ATP8A2: variants seen among roughly 807,000 people sequenced by gnomAD.
ATP8A2 encodes the protein ATPase phospholipid transporting 8A2.
ATP8A2 carries 100 observed loss-of-function variants against 165.6 expected under a neutral mutation model. The observed-to-expected ratio is 0.60, with a 90% CI of 0.51 to 0.71. ATP8A2 has a LOEUF of 0.71. Among genes scored for constraint, ATP8A2 ranks in the 30% least tolerant of loss-of-function variants. ATP8A2 has a pLI of 0.00. For synonymous variants in ATP8A2, 543 were observed against 548.8 expected (o/e 0.99, Z 0.15); for missense variants, 1,227 against 1,479.5 (o/e 0.83, Z 2.80).
chr13:25,981,386 A>G (rs938327410), intron 35 of ATP8A2, among the ~76,000 whole-genome samples: 3 of 152,220 alleles, frequency 2.0e-5, no homozygotes, highest in Non-Finnish European at 4.4e-5. Context: ...TGGATCAGGT[A>G]ATGCACTTTG....
At chr13:25,664,999 GAA>G (rs34189670) in intron 24 of ATP8A2, among the ~76,000 whole-genome samples, 14,688 of 145,504 alleles carry the variant, frequency 0.1, 1,528 homozygotes, top group East Asian at 0.37. Flanking sequence ...ATCAGAGATT[GAA>G]AAAAAAAAAG....
chr13:25,485,737 T>G (rs964706133), intron 2 of ATP8A2, among the ~76,000 whole-genome samples: 3 of 152,232 alleles, frequency 2.0e-5, no homozygotes, highest in Non-Finnish European at 2.9e-5. Flanking sequence ...CACATTATAT[T>G]TGAGTTAGTA....
rs2036276797 is a variant in ATP8A2, at chr13:25,483,822, A to G, written c.221+14701A>G. Among the ~76,000 whole-genome samples the G allele has an allele frequency of 4.6e-5, 7 of 152,238 alleles. No homozygotes were observed. In the South Asian group the frequency reaches 1.2e-3, roughly 27 times the overall value. On this transcript the variant is annotated intron_variant, in intron 2 of 36. Coordinates refer to ENST00000381655, the MANE Select transcript of ATP8A2 (RefSeq NM_016529.6). ...CAGACTCACACAGAGTTGCTCATTGACACCAGTTATCTGGTTATTACGAAT... is the reference window on the plus strand; with the variant it reads ...CAGACTCACACAGAGTTGCTCATTGGCACCAGTTATCTGGTTATTACGAAT...
chr13:25,692,824 G>A (rs1334249791), intron 24 of ATP8A2, among the ~76,000 whole-genome samples: 1 of 152,190 alleles, frequency 6.6e-6, no homozygotes, highest in Non-Finnish European at 1.5e-5. Flanking sequence ...CAAAACTGGG[G>A]AAAAAGGTAG....
At chr13:25,657,503 A>G (rs937809017) in intron 24 of ATP8A2, among the ~76,000 whole-genome samples, 1 of 152,196 alleles carries the variant, frequency 6.6e-6, no homozygotes, top group African/African-American at 2.4e-5. Context: ...ATTGCCAAGC[A>G]GTTGTTTCCT....
intron 33 of ATP8A2, among the ~76,000 whole-genome samples, chr13:25,940,225 C>T (rs1385578049): frequency 6.6e-6 from 1 of 152,052 alleles, no homozygotes; most frequent in Admixed American, 6.6e-5. Flanking sequence ...AGAGTGAGGC[C>T]CCTTCCCGGT....
At chr13:25,942,309 A>G (rs2139112397) in intron 33 of ATP8A2, among the ~76,000 whole-genome samples, 1 of 152,380 alleles carries the variant, frequency 6.6e-6, no homozygotes, top group African/African-American at 2.4e-5. Flanking sequence ...CCAAGAGGGC[A>G]TAATCTGGAA....
At chr13:25,956,387 A>C (rs547857970) in intron 33 of ATP8A2, among the ~76,000 whole-genome samples, 2 of 152,222 alleles carry the variant, frequency 1.3e-5, no homozygotes, top group Non-Finnish European at 2.9e-5. Flanking sequence ...TCTCAGCCCA[A>C]AATCTCCTTA....
At chr13:25,612,339 T>C (rs929092120) in intron 24 of ATP8A2, among the ~76,000 whole-genome samples, 2 of 152,148 alleles carry the variant, frequency 1.3e-5, no homozygotes, top group African/African-American at 4.8e-5. Context: ...TGTACCACTG[T>C]TATTATTCAG....
At chr13:25,686,117 G>T (rs536218560) in intron 24 of ATP8A2, among the ~76,000 whole-genome samples, 102 of 152,336 alleles carry the variant, frequency 6.7e-4, no homozygotes, top group African/African-American at 2.3e-3. Context: ...TGTTTCTCTG[G>T]GTGGTGTTCC....
chr13:25,595,463 A>G (rs2040212025), intron 24 of ATP8A2, among the ~76,000 whole-genome samples: 1 of 152,188 alleles, frequency 6.6e-6, no homozygotes, highest in Non-Finnish European at 1.5e-5. Flanking sequence ...TGTGAGCAGA[A>G]GTGAGGTGCG....
chr13:25,886,069 T>C (rs1271604260), intron 33 of ATP8A2, among the ~76,000 whole-genome samples: 1 of 152,256 alleles, frequency 6.6e-6, no homozygotes, highest in African/African-American at 2.4e-5. Context: ...CTCCACTGTA[T>C]TCAAGCTGCA....
intron 24 of ATP8A2, among the ~76,000 whole-genome samples, chr13:25,692,919 A>T (rs1420016722): frequency 6.6e-6 from 1 of 152,264 alleles, no homozygotes; most frequent in African/African-American, 2.4e-5. Flanking sequence ...ATTGTAGAAC[A>T]TGCACCAAAA....
intron 25 of ATP8A2, among the ~76,000 whole-genome samples, chr13:25,755,510 A>T (rs2044241794): frequency 6.6e-6 from 1 of 152,260 alleles, no homozygotes; most frequent in Non-Finnish European, 1.5e-5. Flanking sequence ...ATGAAGACAT[A>T]ATCTTTTCCC....
chr13:25,830,756 C>T (rs890183837), intron 28 of ATP8A2, among the ~76,000 whole-genome samples: 3 of 152,218 alleles, frequency 2.0e-5, no homozygotes, highest in Admixed American at 6.5e-5. Flanking sequence ...TGTACGCATG[C>T]ACACATGCCT....
intron 24 of ATP8A2, among the ~76,000 whole-genome samples, chr13:25,681,219 C>T (rs76163872): frequency 6.6e-6 from 1 of 152,102 alleles, no homozygotes; most frequent in African/African-American, 2.4e-5. Context: ...TGTCCAGATA[C>T]CCGGCATGCT....
chr13:25,765,783 T>A (rs1424254236), intron 25 of ATP8A2, among the ~76,000 whole-genome samples: 2 of 152,198 alleles, frequency 1.3e-5, no homozygotes, highest in Non-Finnish European at 2.9e-5. Context: ...GTGAGTCTAT[T>A]TGACTTGCTC....
At chr13:25,842,577 C>T (rs1951768435) in intron 30 of ATP8A2, among the ~76,000 whole-genome samples, 1 of 151,830 alleles carries the variant, frequency 6.6e-6, no homozygotes, top group South Asian at 2.1e-4. Context: ...GAGGCTGAGG[C>T]AGCAGAATCG....
At chr13:25,668,389 A>G (rs544481297) in intron 24 of ATP8A2, among the ~76,000 whole-genome samples, 1 of 152,192 alleles carries the variant, frequency 6.6e-6, no homozygotes, top group Non-Finnish European at 1.5e-5. Flanking sequence ...AGAAATTGGC[A>G]GTTGATTTTA....
Sources: allele counts gnomAD v4.1 joint callset (sites outside exome capture counted in the v4.1 genomes callset), GRCh38; gene constraint gnomAD v4.1.1; transcripts MANE v1.5; gene names NCBI Gene and HGNC (gene_info 2026-07-23, HGNC 2026-07-21).